The following RTTN variants were observed in gnomAD, a reference collection of about 807,000 sequenced individuals.
RTTN encodes the protein rotatin.
Under a neutral mutation model 269.2 loss-of-function variants are expected in RTTN, and 182 were observed. The observed-to-expected ratio is 0.68, with a 90% confidence interval of 0.60 to 0.76. The LOEUF is 0.76. Among genes scored for constraint, RTTN ranks in the 30% least tolerant of loss-of-function variants. The pLI, the probability that RTTN is intolerant of heterozygous loss-of-function variation, is 0.00. For synonymous variants in RTTN, 1,006 were observed against 963.5 expected (o/e 1.04, Z -0.82); for missense variants, 2,545 against 2,608.6 (o/e 0.98, Z 0.53).
At chr18:70,146,964 T>C (rs1652361113) in intron 17 of RTTN, among the ~76,000 whole-genome samples, 1 of 152,210 alleles carries the variant, frequency 6.6e-6, no homozygotes, top group South Asian at 2.1e-4. Context: ...TACCTAATAG[T>C]TTTCCTTTGT....
rs555772488 is a variant in RTTN at position 70,004,315 on chromosome 18, A to T, written c.6596-79T>A. 7 of 858,614 alleles carry T rather than the reference A, an allele frequency of 8.2e-6. No individual in the cohort carries two copies. The South Asian group carries it at 1.0e-4, about 13-fold the overall frequency. The allele number at this position is 858,614 out of a possible 1,614,324, so 53.2% of individuals were successfully genotyped here. On this transcript the variant is annotated intron_variant, in intron 48 of 48. Transcript: ENST00000640769. The stretch of plus-strand genomic sequence containing the variant: ...TACTTAGGAGGCACACACATAAACA[A>T]ATACATATGAACAGGATTTATATAT...
At chr18:70,092,251 T>C (rs147682186) in intron 29 of RTTN, 31 bp from the exon 30 acceptor site, 27,015 of 1,332,258 alleles carry the variant, frequency 0.02, 345 homozygotes, top group Non-Finnish European at 0.025. Context: ...CAGAAATATT[T>C]GAGGTAAGTT....
At chr18:70,195,094 C>T (rs2061771547) in intron 7 of RTTN, among the ~76,000 whole-genome samples, 1 of 152,186 alleles carries the variant, frequency 6.6e-6, no homozygotes, top group Admixed American at 6.5e-5. Context: ...CTGCAAGCCC[C>T]AATATACTCT....
intron 30 of RTTN, 150 bp from the exon 31 acceptor site, chr18:70,088,297 T>C (rs2058754668): frequency 1.6e-6 from 1 of 606,768 alleles, no homozygotes; most frequent in African/African-American, 1.9e-5. Flanking sequence ...GAAGACAGTG[T>C]CCTCCATTCC....
At chr18:70,092,914 G>C (rs947721005) in intron 28 of RTTN, 110 bp from the exon 29 acceptor site, 8 of 936,008 alleles carry the variant, frequency 8.5e-6, no homozygotes, top group Non-Finnish European at 1.2e-5. Context: ...ACCTTATAAA[G>C]TTGTAATATT....
At chr18:70,160,110 C>A (rs564115096) in intron 14 of RTTN, among the ~76,000 whole-genome samples, 2 of 152,064 alleles carry the variant, frequency 1.3e-5, no homozygotes, top group South Asian at 4.1e-4. Flanking sequence ...TGATACCAAA[C>A]CCTAGCAGAG....
At chr18:70,079,168 G>C (rs1386547347) in intron 32 of RTTN, among the ~76,000 whole-genome samples, 1 of 151,992 alleles carries the variant, frequency 6.6e-6, no homozygotes, top group Non-Finnish European at 1.5e-5. Flanking sequence ...GAGAGGGACA[G>C]TGAATTTCAC....
At position 70,127,739 on chromosome 18, in the gene RTTN, A is replaced by T. The variant is rs768797353; in HGVS notation, c.3146T>A (p.Ile1049Asn). The T allele has an allele frequency of 3.1e-6, 5 of 1,606,008 alleles. No individual in the cohort carries two copies. Among genetic ancestry groups the T allele is most frequent in the Non-Finnish European group, 4.3e-6 (5 of 1,174,660 alleles). Residue 1049 changes from isoleucine to asparagine, a missense_variant and splice_region_variant, in exon 25 of 49, where the codon ATT (isoleucine) becomes AAT (asparagine). Transcript: ENST00000640769. ...TGTAGATAACTTCAATGCATCTAAAATTCTAGACAAAAAGAAAAAAAATGA... is the reference window on the plus strand; with the variant it reads ...TGTAGATAACTTCAATGCATCTAAATTTCTAGACAAAAAGAAAAAAAATGA... ...QMNSETKTQE[I>N]LDALKLSTED...
chr18:70,009,912 GA>G (rs913712630), intron 46 of RTTN, among the ~76,000 whole-genome samples: 2 of 147,648 alleles, frequency 1.4e-5, no homozygotes, highest in Admixed American at 6.7e-5. Flanking sequence ...AAGCAGGGGA[GA>G]AAAAAAAAGC....
At chr18:70,052,739 T>C (rs2057709900) in intron 38 of RTTN, among the ~76,000 whole-genome samples, 1 of 151,168 alleles carries the variant, frequency 6.6e-6, no homozygotes, top group Non-Finnish European at 1.5e-5. Flanking sequence ...TAAAATCATT[T>C]AAAACTTATT....
At chr18:70,146,051 G>A (rs977642506) in intron 17 of RTTN, among the ~76,000 whole-genome samples, 4 of 152,114 alleles carry the variant, frequency 2.6e-5, no homozygotes, top group Admixed American at 1.3e-4. Context: ...TTAAATATCA[G>A]TAAACTTCAA....
intron 9 of RTTN, among the ~76,000 whole-genome samples, chr18:70,189,041 T>C (rs915928641): frequency 6.6e-6 from 1 of 152,232 alleles, no homozygotes; most frequent in Non-Finnish European, 1.5e-5. Flanking sequence ...CAGGAGAACA[T>C]TTAGTTTTTA....
intron 4 of RTTN, among the ~76,000 whole-genome samples, 183 bp downstream of exon 4, chr18:70,201,711 A>G (rs2061957797): frequency 6.6e-6 from 1 of 152,108 alleles, no homozygotes. Context: ...TGGTTAGAAT[A>G]ACACAAAATT....
intron 12 of RTTN, among the ~76,000 whole-genome samples, chr18:70,168,339 C>A (rs1365229168): frequency 6.6e-6 from 1 of 151,826 alleles, no homozygotes; most frequent in Non-Finnish European, 1.5e-5. Context: ...GGATAAATAC[C>A]GACACATAAT....
intron 23 of RTTN, among the ~76,000 whole-genome samples, chr18:70,132,247 T>C (rs956741894): frequency 6.6e-6 from 1 of 151,990 alleles, no homozygotes; most frequent in African/African-American, 2.4e-5. Context: ...TTCACACACA[T>C]ATAATAAAGT....
At chr18:70,029,645 T>C (rs191823789) in intron 42 of RTTN, among the ~76,000 whole-genome samples, 120 of 152,320 alleles carry the variant, frequency 7.9e-4, no homozygotes, top group Non-Finnish European at 1.3e-3. Flanking sequence ...GGCTGACATA[T>C]AGAAAACTCT....
At chr18:70,203,567 G>C (rs963784740) in intron 3 of RTTN, among the ~76,000 whole-genome samples, 1 of 152,084 alleles carries the variant, frequency 6.6e-6, no homozygotes, top group African/African-American at 2.4e-5. Context: ...CCTTAGCCAA[G>C]GTCACACAAC....
chr18:70,164,982 G>A (rs554817797), intron 14 of RTTN, among the ~76,000 whole-genome samples: 7 of 152,244 alleles, frequency 4.6e-5, no homozygotes, highest in South Asian at 2.1e-4. Context: ...GATAGAAGCC[G>A]AATAAGAATT....
At chr18:70,019,298 T>C (rs907698211) in intron 45 of RTTN, 1 of 152,196 alleles carries the variant, frequency 6.6e-6, no homozygotes, top group Non-Finnish European at 1.5e-5. Context: ...ACATTCCTTC[T>C]GGGTGCTCCC....
Sources: gnomAD v4.1 joint callset for allele counts (sites outside exome capture counted in the v4.1 genomes callset) on GRCh38, gnomAD v4.1.1 for gene constraint, MANE v1.5 for transcripts, NCBI Gene and HGNC (gene_info 2026-07-23, HGNC 2026-07-21) for gene names.